CSMD1: variants seen among roughly 807,000 people sequenced by gnomAD.
The protein encoded by CSMD1 is CUB and Sushi multiple domains 1.
A neutral mutation model predicts 417.5 loss-of-function variants in CSMD1; 213 were observed. The ratio of observed to expected loss-of-function variants is 0.51; its 90% CI spans 0.46 to 0.57. The LOEUF is 0.57. CSMD1 is among the 20% of genes least tolerant of loss of function. The pLI, the probability that CSMD1 is intolerant of heterozygous loss-of-function variation, is 0.00. For synonymous variants in CSMD1, 2,862 were observed against 1,736.8 expected, an observed-to-expected ratio of 1.65 and a Z score of -16.11; for missense variants, 6,923 against 4,529.7, an observed-to-expected ratio of 1.53 and a Z score of -15.17.
chr8:3,984,781 G>C (rs1814193836), intron 5 of CSMD1, among the ~76,000 whole-genome samples: 1 of 145,424 alleles, frequency 6.9e-6, no homozygotes, highest in Non-Finnish European at 1.5e-5. Flanking sequence ...GTGTGTGTGT[G>C]TGTGGGTGTA....
At chr8:4,564,945 G>A (rs930336075) in intron 2 of CSMD1, among the ~76,000 whole-genome samples, 3 of 152,128 alleles carry the variant, frequency 2.0e-5, no homozygotes, top group Non-Finnish European at 2.9e-5. Flanking sequence ...CTAGTGTTAT[G>A]AATTTTTGTG....
intron 5 of CSMD1, among the ~76,000 whole-genome samples, chr8:3,947,962 T>C (rs1018237264): frequency 6.6e-6 from 1 of 152,160 alleles, no homozygotes; most frequent in Admixed American, 6.5e-5. Context: ...TCCCAGCACT[T>C]TGGGAGGCCA....
At chr8:4,226,409 A>G (rs1801360044) in intron 3 of CSMD1, among the ~76,000 whole-genome samples, 2 of 152,218 alleles carry the variant, frequency 1.3e-5, no homozygotes, top group Non-Finnish European at 1.5e-5. Context: ...ATGCAGAAAT[A>G]AAACATAACA....
chr8:4,039,113 A>T (rs1451930871), intron 3 of CSMD1, among the ~76,000 whole-genome samples: 1 of 152,208 alleles, frequency 6.6e-6, no homozygotes, highest in Non-Finnish European at 1.5e-5. Flanking sequence ...GGAAGTTTAA[A>T]ATTCATCAAA....
At position 3,868,256 on chromosome 8, in the gene CSMD1, T is replaced by A. The variant is rs187477619; in HGVS notation, c.819-114214A>T. Among the ~76,000 whole-genome samples the A allele has an allele frequency of 2.6e-5, 4 of 152,234 alleles. No homozygotes were observed. In the East Asian group the frequency reaches 7.8e-4, roughly 30 times the overall value. ...GGGGGGGCATCTCCATTTAACTTTA[T>A]GACCATTGCTCTGAAGTGTGCCTTT... On this transcript the variant is annotated intron_variant, in intron 5 of 69. Coordinates refer to ENST00000635120, the MANE Select transcript of CSMD1 (RefSeq NM_033225.6).
chr8:3,830,423 A>C (rs1310364190), intron 5 of CSMD1, among the ~76,000 whole-genome samples: 1 of 152,170 alleles, frequency 6.6e-6, no homozygotes, highest in African/African-American at 2.4e-5. Context: ...CCCAGGTTCT[A>C]ATTATACGTT....
At chr8:3,859,699 G>C (rs1322702044) in intron 5 of CSMD1, among the ~76,000 whole-genome samples, 3 of 152,126 alleles carry the variant, frequency 2.0e-5, no homozygotes, top group South Asian at 4.1e-4. Flanking sequence ...TGCCTACATA[G>C]TGAAGCCTCA....
At chr8:3,283,804 C>T (rs1157292636) in intron 26 of CSMD1, among the ~76,000 whole-genome samples, 2 of 152,228 alleles carry the variant, frequency 1.3e-5, no homozygotes, top group Non-Finnish European at 2.9e-5. Flanking sequence ...TCTTTTCGTC[C>T]TCTAATCATA....
chr8:3,466,228 G>C (rs969965370), intron 12 of CSMD1, among the ~76,000 whole-genome samples: 1 of 151,566 alleles, frequency 6.6e-6, no homozygotes, highest in African/African-American at 2.4e-5. Context: ...TGACGAGTCT[G>C]ATACACAAAG....
chr8:4,316,828 G>C (rs993931769), intron 3 of CSMD1, among the ~76,000 whole-genome samples: 1 of 152,032 alleles, frequency 6.6e-6, no homozygotes, highest in African/African-American at 2.4e-5. Flanking sequence ...CTCGGTAAAC[G>C]CAAAATAATT....
chr8:3,975,294 C>CT (rs1813356290), intron 5 of CSMD1, among the ~76,000 whole-genome samples: 1 of 151,862 alleles, frequency 6.6e-6, no homozygotes, highest in Admixed American at 6.6e-5. Flanking sequence ...TATTTTATAC[C>CT]TTTTTTACAC....
At chr8:3,245,439 C>A (rs1269530191) in intron 26 of CSMD1, among the ~76,000 whole-genome samples, 3 of 152,206 alleles carry the variant, frequency 2.0e-5, no homozygotes, top group African/African-American at 7.2e-5. Context: ...AGAAAACCTA[C>A]AACTGGAAGT....
At chr8:4,695,624 C>A (rs568848064) in intron 1 of CSMD1, among the ~76,000 whole-genome samples, 1 of 152,276 alleles carries the variant, frequency 6.6e-6, no homozygotes, top group South Asian at 2.1e-4. Flanking sequence ...CCATTCTCAA[C>A]ATACGCCACC....
chr8:3,518,282 G>C (rs992778599), intron 10 of CSMD1, among the ~76,000 whole-genome samples: 56 of 152,220 alleles, frequency 3.7e-4, no homozygotes, highest in African/African-American at 1.3e-3. Context: ...TTATATAAGA[G>C]AGAATTATTT....
intron 7 of CSMD1, among the ~76,000 whole-genome samples, chr8:3,695,133 A>G (rs1800478105): frequency 1.9e-5 from 2 of 107,040 alleles, no homozygotes; most frequent in Non-Finnish European, 4.2e-5. Context: ...GAAGAAGTGT[A>G]GTACAAGGAT....
rs184768651 is a variant in CSMD1 at position 4,069,911 on chromosome 8, T to C, written c.416-37812A>G. Among the ~76,000 whole-genome samples, 94 of 152,298 alleles carry C rather than the reference T, an allele frequency of 6.2e-4. No individual in the cohort carries two copies. In the East Asian group the frequency reaches 7.7e-3, roughly 12 times the overall value. On this transcript the variant is annotated intron_variant, in intron 3 of 69. Coordinates refer to ENST00000635120, the MANE Select transcript of CSMD1 (RefSeq NM_033225.6). The stretch of plus-strand genomic sequence containing the variant: ...GTTTTGTTTTGTTTTGTTTTTGTTT[T>C]TTACCACTTTGTATAAAATTGCAGT...
chr8:4,811,490 T>C lies in CSMD1; in HGVS notation c.86-173932A>G, dbSNP rs183932481. Among the ~76,000 whole-genome samples, 136 of 152,232 alleles carry C rather than the reference T, an allele frequency of 8.9e-4. 1 individual carries two copies. Among genetic ancestry groups the C allele is most frequent in the African/African-American group, 3.2e-3 (132 of 41,540 alleles). ...CTTCAAAAAATACAATTTTATCAAATTTAGGGGATTGGTGGCAATGTATTG... is the reference window on the plus strand; with the variant it reads ...CTTCAAAAAATACAATTTTATCAAACTTAGGGGATTGGTGGCAATGTATTG... On this transcript the variant is annotated intron_variant, in intron 1 of 69. Coordinates refer to ENST00000635120, the MANE Select transcript of CSMD1 (RefSeq NM_033225.6).
intron 11 of CSMD1, among the ~76,000 whole-genome samples, chr8:3,481,181 C>CAAAAAAAAA (rs1554437748): frequency 9.4e-6 from 1 of 106,670 alleles, no homozygotes. Flanking sequence ...AAAAAAAAAC[C>CAAAAAAAAA]AGAGTAGTTG....
chr8:4,017,543 T>C (rs1796581936), intron 4 of CSMD1, among the ~76,000 whole-genome samples: 2 of 152,180 alleles, frequency 1.3e-5, no homozygotes, highest in African/African-American at 2.4e-5. Flanking sequence ...CGATCTCAGA[T>C]GATCCACCCA....
Sources: gnomAD v4.1 joint callset for allele counts (sites outside exome capture counted in the v4.1 genomes callset) on GRCh38, gnomAD v4.1.1 for gene constraint, MANE v1.5 for transcripts, NCBI Gene and HGNC (gene_info 2026-07-23, HGNC 2026-07-21) for gene names.